Variants in GPC6 observed in about 807,000 individuals in gnomAD.
The protein encoded by GPC6 is glypican-6.
GPC6 carries 14 observed loss-of-function variants against 55.2 expected under a neutral mutation model. The observed-to-expected ratio is 0.25, with a 90% confidence interval of 0.17 to 0.40. The LOEUF (loss-of-function observed/expected upper bound fraction) is 0.40, where lower values mean the gene tolerates loss of function less well. GPC6 is among the 10% of genes least tolerant of loss of function. The pLI is 1.00. For missense variants in GPC6, 641 were observed against 708.5 expected (o/e 0.90, Z 1.08); for synonymous variants, 278 against 259.6 (o/e 1.07, Z -0.68).
the GPC6 span, among the ~76,000 whole-genome samples, chr13:93,219,609 A>G: frequency 1.4e-4 from 21 of 152,318 alleles, no homozygotes; most frequent in Non-Finnish European, 1.9e-4. Context: ...GCTAGTATCT[A>G]TGGTAATTTA....
At chr13:93,278,332 C>CGATACTATTA (rs1169728547) in intron 1 of GPC6, among the ~76,000 whole-genome samples, 1 of 152,050 alleles carries the variant, frequency 6.6e-6, no homozygotes, top group African/African-American at 2.4e-5. Flanking sequence ...GTGTACAGTT[C>CGATACTATTA]GATACTATTA....
chr13:94,338,800 C>T (rs1464408239), intron 6 of GPC6, among the ~76,000 whole-genome samples: 2 of 152,154 alleles, frequency 1.3e-5, no homozygotes. Context: ...CAGGCAGGAA[C>T]TGGTTTCTCT....
intron 2 of GPC6, among the ~76,000 whole-genome samples, chr13:93,768,519 A>G (rs1885193094): frequency 6.6e-6 from 1 of 152,110 alleles, no homozygotes; most frequent in Non-Finnish European, 1.5e-5. Context: ...CTCGGTAAAT[A>G]TGGGTTGAAT....
At chr13:93,942,006 G>C (rs1369759955) in intron 3 of GPC6, among the ~76,000 whole-genome samples, 1 of 152,062 alleles carries the variant, frequency 6.6e-6, no homozygotes, top group Non-Finnish European at 1.5e-5. Flanking sequence ...CAGCTGCGTT[G>C]GTCCAGCCTT....
At chr13:93,403,965 C>T (rs1444308105) in intron 1 of GPC6, among the ~76,000 whole-genome samples, 1 of 152,024 alleles carries the variant, frequency 6.6e-6, no homozygotes, top group Non-Finnish European at 1.5e-5. Context: ...TTTCTGTCTT[C>T]ATGGAATCAT....
intron 4 of GPC6, among the ~76,000 whole-genome samples, chr13:94,123,675 T>G (rs9561503): frequency 0.34 from 51,742 of 151,712 alleles, 9,700 homozygotes; most frequent in Middle Eastern, 0.45. Flanking sequence ...GTGTGTGTGT[T>G]TGTATGCATG....
chr13:93,693,605 A>T (rs1414325473), intron 2 of GPC6, among the ~76,000 whole-genome samples: 1 of 151,804 alleles, frequency 6.6e-6, no homozygotes, highest in African/African-American at 2.4e-5. Context: ...CAGCCTCCTG[A>T]GCAGCTGGGA....
At chr13:93,303,970 A>G (rs12430104) in intron 1 of GPC6, among the ~76,000 whole-genome samples, 18,016 of 150,936 alleles carry the variant, frequency 0.12, 1,278 homozygotes, top group East Asian at 0.36. Context: ...CTGGGTTCAA[A>G]CAATTCTCCT....
intron 1 of GPC6, among the ~76,000 whole-genome samples, chr13:93,530,477 C>T (rs1338686813): frequency 3.3e-5 from 5 of 152,190 alleles, no homozygotes; most frequent in Non-Finnish European, 4.4e-5. Flanking sequence ...AGTGGAAATG[C>T]GGACTCTCTT....
chr13:93,799,664 C>G (rs567414480), intron 2 of GPC6, among the ~76,000 whole-genome samples: 260 of 152,310 alleles, frequency 1.7e-3, no homozygotes, highest in Non-Finnish European at 2.8e-3. Context: ...TCCTTTGTCT[C>G]TGGTTCCTTT....
intron 2 of GPC6, among the ~76,000 whole-genome samples, chr13:93,783,165 G>A (rs1885709275): frequency 6.6e-6 from 1 of 152,052 alleles, no homozygotes; most frequent in African/African-American, 2.4e-5. Context: ...CCTTTTTATG[G>A]CTGCATAGTA....
intron 3 of GPC6, among the ~76,000 whole-genome samples, chr13:93,925,735 C>T (rs1283687848): frequency 1.3e-5 from 2 of 152,152 alleles, no homozygotes; most frequent in African/African-American, 4.8e-5. Context: ...GTCTTTACTT[C>T]CTGATGTCTG....
chr13:93,744,949 G>A (rs944073127), intron 2 of GPC6, among the ~76,000 whole-genome samples: 2 of 147,658 alleles, frequency 1.4e-5, no homozygotes, highest in Non-Finnish European at 3.0e-5. Flanking sequence ...AAAAAAAAAA[G>A]TATATATATC....
chr13:93,339,829 G>A (rs935138719), intron 1 of GPC6, among the ~76,000 whole-genome samples: 5 of 152,012 alleles, frequency 3.3e-5, no homozygotes, highest in African/African-American at 1.2e-4. Flanking sequence ...TATAACTTAT[G>A]AAGTTGGGAG....
intron 2 of GPC6, among the ~76,000 whole-genome samples, chr13:93,816,992 C>T (rs916237143): frequency 2.0e-5 from 3 of 152,114 alleles, no homozygotes; most frequent in African/African-American, 4.8e-5. Flanking sequence ...CCTAATTGTG[C>T]CTACTCACAA....
At chr13:93,681,220 A>C (rs2138765745) in intron 2 of GPC6, among the ~76,000 whole-genome samples, 1 of 152,300 alleles carries the variant, frequency 6.6e-6, no homozygotes, top group East Asian at 1.9e-4. Context: ...ATGGTATTGC[A>C]GTATGTTGCA....
intron 4 of GPC6, among the ~76,000 whole-genome samples, chr13:94,172,407 C>A (rs1260311035): frequency 6.6e-6 from 1 of 152,044 alleles, no homozygotes; most frequent in Non-Finnish European, 1.5e-5. Context: ...TAATAGCTTA[C>A]CATTTTCATG....
chr13:93,667,151 G>A (rs571922076), intron 2 of GPC6, among the ~76,000 whole-genome samples: 155 of 152,138 alleles, frequency 1.0e-3, no homozygotes, highest in African/African-American at 3.4e-3. Context: ...TTTGGTATGT[G>A]GCTAAAAGTA....
At position 94,092,621 on chromosome 13, in the gene GPC6, C is replaced by G. The variant is rs143521720; in HGVS notation, c.877+64727C>G. Among the ~76,000 whole-genome samples the G allele has an allele frequency of 4.9e-3, 738 of 152,072 alleles. 5 individuals carry two copies. The highest frequency in any genetic ancestry group is 7.1e-3 in the Non-Finnish European group (480 of 67,960). ...GGAGTACAGATATTTTTTGGAGATACTGATATTTCCTTTAGATATAGACCT... is the reference window on the plus strand; with the variant it reads ...GGAGTACAGATATTTTTTGGAGATAGTGATATTTCCTTTAGATATAGACCT... On this transcript the variant is annotated intron_variant, in intron 4 of 8. Transcript: ENST00000377047.
Sources: allele counts gnomAD v4.1 joint callset (sites outside exome capture counted in the v4.1 genomes callset), GRCh38; gene constraint gnomAD v4.1.1; transcripts MANE v1.5; gene names NCBI Gene and HGNC (gene_info 2026-07-23, HGNC 2026-07-21).